The following PLCL1 variants were observed in gnomAD, a reference collection of about 807,000 sequenced individuals.
The protein encoded by PLCL1 is phospholipase C like 1 (inactive).
In PLCL1, 41 loss-of-function variants were observed where a neutral mutation model predicts 84.4. That is an observed-to-expected ratio of 0.49 (90% confidence interval 0.38 to 0.63). The LOEUF is 0.63. Ranked by LOEUF, PLCL1 falls within the 30% of genes least tolerant of loss-of-function variation. The pLI is 0.00. For missense variants in PLCL1, 1,206 were observed against 1,367.8 expected, an observed-to-expected ratio of 0.88 and a Z score of 1.87; for synonymous variants, 490 against 488.3, an observed-to-expected ratio of 1.00 and a Z score of -0.05.
intron 1 of PLCL1, among the ~76,000 whole-genome samples, chr2:198,008,537 CTT>C (rs199948196): frequency 6.9e-5 from 10 of 144,702 alleles, no homozygotes; most frequent in East Asian, 2.0e-4. Flanking sequence ...ACAAGATTTT[CTT>C]TTTTTTTTTT....
intron 1 of PLCL1, among the ~76,000 whole-genome samples, chr2:198,020,446 T>C (rs755318096): frequency 6.6e-6 from 1 of 151,808 alleles, no homozygotes; most frequent in Non-Finnish European, 1.5e-5. Flanking sequence ...GACTGGCAAA[T>C]TGGATAAAGA....
chr2:198,015,513 C>T (rs1241292491), intron 1 of PLCL1, among the ~76,000 whole-genome samples: 2 of 151,858 alleles, frequency 1.3e-5, no homozygotes, highest in East Asian at 3.9e-4. Context: ...TCAGTTAATA[C>T]CTGTTAAGCT....
chr2:198,067,260 T>C (rs951965892), intron 1 of PLCL1, among the ~76,000 whole-genome samples: 1 of 151,862 alleles, frequency 6.6e-6, no homozygotes, highest in Non-Finnish European at 1.5e-5. Flanking sequence ...CCTGAGTAGC[T>C]GGGATTATAA....
intron 1 of PLCL1, among the ~76,000 whole-genome samples, chr2:198,022,513 C>A (rs1195685807): frequency 1.3e-5 from 2 of 152,122 alleles, no homozygotes; most frequent in Non-Finnish European, 2.9e-5. Flanking sequence ...TCGTCTCAGT[C>A]CAAAACTCCT....
Position 197,994,254 on chromosome 2 carries a change from G to A in PLCL1, c.241-89504G>A, listed in dbSNP as rs112892048. ...ATGCCCTCAGTAGAGATGAGGAGAA[G>A]GGTAAAATCTAGGAAACTGCAATCT... On this transcript the variant is annotated intron_variant, in intron 1 of 5. Coordinates refer to ENST00000428675, the MANE Select transcript of PLCL1 (RefSeq NM_006226.4). Among the ~76,000 whole-genome samples the A allele has an allele frequency of 2.6e-3, 399 of 152,294 alleles. 3 individuals are homozygous for A. Among genetic ancestry groups the A allele is most frequent in the African/African-American group, 9.3e-3 (385 of 41,570 alleles).
At chr2:197,865,161 A>G (rs1217591313) in intron 1 of PLCL1, among the ~76,000 whole-genome samples, 1 of 152,170 alleles carries the variant, frequency 6.6e-6, no homozygotes, top group African/African-American at 2.4e-5. Flanking sequence ...TCAAAATAAA[A>G]TAGGTTTCAG....
At chr2:197,974,748 T>C in intron 1 of PLCL1, among the ~76,000 whole-genome samples, 1 of 152,222 alleles carries the variant, frequency 6.6e-6, no homozygotes, top group South Asian at 2.1e-4. Context: ...TTGGGAAGAA[T>C]GCCGTTGGGG....
intron 1 of PLCL1, among the ~76,000 whole-genome samples, chr2:197,995,030 T>A (rs1690429082): frequency 6.6e-6 from 1 of 152,090 alleles, no homozygotes; most frequent in South Asian, 2.1e-4. Flanking sequence ...TTTAAATGAG[T>A]TTAGTGGAAT....
At chr2:198,065,888 TA>T (rs1351752783) in intron 1 of PLCL1, among the ~76,000 whole-genome samples, 2 of 152,238 alleles carry the variant, frequency 1.3e-5, no homozygotes, top group Admixed American at 6.5e-5. Context: ...AATATCTCTT[TA>T]AGCTTGAGAC....
At chr2:198,121,653 C>G (rs1162764037) in intron 5 of PLCL1, among the ~76,000 whole-genome samples, 2 of 150,732 alleles carry the variant, frequency 1.3e-5, no homozygotes, top group South Asian at 2.1e-4. Context: ...CTATTCTGTT[C>G]CATTGGTCGA....
chr2:197,850,929 A>T (rs1051383104), intron 1 of PLCL1, among the ~76,000 whole-genome samples: 3 of 152,188 alleles, frequency 2.0e-5, no homozygotes, highest in Admixed American at 6.5e-5. Context: ...ATAAACAAAC[A>T]TTATCACAAA....
chr2:198,136,565 T>G (rs1005225703), intron 5 of PLCL1, among the ~76,000 whole-genome samples: 14 of 152,142 alleles, frequency 9.2e-5, no homozygotes, highest in African/African-American at 3.4e-4. Flanking sequence ...TCAGATTTAT[T>G]CCTTCATCAC....
At chr2:197,891,963 A>G (rs1458363517) in intron 1 of PLCL1, among the ~76,000 whole-genome samples, 1 of 152,152 alleles carries the variant, frequency 6.6e-6, no homozygotes, top group Non-Finnish European at 1.5e-5. Flanking sequence ...TGATTAAATG[A>G]GAATTTCCAC....
intron 5 of PLCL1, among the ~76,000 whole-genome samples, chr2:198,140,785 A>C (rs564645027): frequency 2.6e-5 from 4 of 152,096 alleles, no homozygotes; most frequent in Non-Finnish European, 4.4e-5. Context: ...TCTATACTTT[A>C]TAAATTATTT....
rs1016136992 is a variant in PLCL1 at position 198,031,605 on chromosome 2, C to G, written c.241-52153C>G. Among the ~76,000 whole-genome samples, 3 of 149,018 alleles carry G rather than the reference C, an allele frequency of 2.0e-5. No individual in the cohort carries two copies. In the East Asian group the frequency reaches 5.9e-4, roughly 29 times the overall value. ...TCCTGGGCTCAAGCAATTCTCTCAT[C>G]TTAGCTTCCCCAGTGCTGAGGTTAC... On this transcript the variant is annotated intron_variant, in intron 1 of 5. Coordinates refer to ENST00000428675, the MANE Select transcript of PLCL1 (RefSeq NM_006226.4).
Position 198,033,796 on chromosome 2 carries a change from C to A in PLCL1, c.241-49962C>A, listed in dbSNP as rs114065497. Among the ~76,000 whole-genome samples the A allele has an allele frequency of 1.6e-3, 243 of 152,188 alleles. 1 individual carries two copies. The highest frequency in any genetic ancestry group is 5.6e-3 in the African/African-American group (234 of 41,510). ...TTCTCTGGGTTCCAGTCTCTACCCC[C>A]TCAAGCTGGCTATTTCCTAAGATTC... is the stretch of plus-strand genomic sequence containing the variant. On this transcript the variant is annotated intron_variant, in intron 1 of 5. Coordinates refer to ENST00000428675, the MANE Select transcript of PLCL1 (RefSeq NM_006226.4).
intron 1 of PLCL1, among the ~76,000 whole-genome samples, chr2:198,038,501 A>T (rs917777645): frequency 9.9e-5 from 15 of 152,152 alleles, no homozygotes; most frequent in African/African-American, 3.6e-4. Flanking sequence ...ATTTTGTAGT[A>T]AAAGTTCTTA....
intron 1 of PLCL1, among the ~76,000 whole-genome samples, chr2:197,837,389 C>T (rs1691213519): frequency 6.6e-6 from 1 of 152,184 alleles, no homozygotes; most frequent in African/African-American, 2.4e-5. Context: ...CAATAGTTTT[C>T]AGTTGCTACC....
intron 5 of PLCL1, among the ~76,000 whole-genome samples, chr2:198,108,752 G>T (rs1693548821): frequency 1.3e-5 from 2 of 151,950 alleles, no homozygotes; most frequent in Admixed American, 1.3e-4. Context: ...TCCCACACTT[G>T]TGTTTTTCTT....
Sources: allele counts gnomAD v4.1 joint callset (sites outside exome capture counted in the v4.1 genomes callset), GRCh38; gene constraint gnomAD v4.1.1; transcripts MANE v1.5; gene names NCBI Gene and HGNC (gene_info 2026-07-23, HGNC 2026-07-21).